Variants in CD53 observed in about 807,000 individuals in gnomAD.
CD53 encodes the protein CD53 molecule.
A neutral mutation model predicts 27.3 loss-of-function variants in CD53; 20 were observed. The ratio of observed to expected loss-of-function variants is 0.73; its 90% CI spans 0.52 to 1.07. The LOEUF is 1.07. Ranked by LOEUF, CD53 falls within the 50% of genes least tolerant of loss-of-function variation. CD53 has a pLI of 0.00. For synonymous variants in CD53, 106 were observed against 105.3 expected (o/e 1.01, Z -0.04); for missense variants, 216 against 264.0 (o/e 0.82, Z 1.26).
At chr1:110,878,846 A>G (rs1277344646) in intron 1 of CD53, among the ~76,000 whole-genome samples, 1 of 152,198 alleles carries the variant, frequency 6.6e-6, no homozygotes, top group African/African-American at 2.4e-5. Flanking sequence ...CGTATTCTCA[A>G]TCTTAGCATA....
intron 2 of CD53, among the ~76,000 whole-genome samples, chr1:110,892,001 A>G (rs1656872698): frequency 6.6e-6 from 1 of 152,236 alleles, no homozygotes; most frequent in Non-Finnish European, 1.5e-5. Context: ...CATCTTCTCT[A>G]CATGGTCATG....
chr1:110,879,785 C>T (rs1312007036), intron 1 of CD53, among the ~76,000 whole-genome samples: 1 of 151,958 alleles, frequency 6.6e-6, no homozygotes, highest in African/African-American at 2.4e-5. Context: ...TCAGGCTGGT[C>T]TTAAACTCCT....
chr1:110,898,651 G>A (rs1258445649), intron 7 of CD53, among the ~76,000 whole-genome samples: 4 of 151,452 alleles, frequency 2.6e-5, no homozygotes, highest in African/African-American at 4.9e-5. Flanking sequence ...GTAGTTTTTT[G>A]TCCTTTTTAA....
intron 1 of CD53, among the ~76,000 whole-genome samples, chr1:110,878,103 G>A (rs1390813402): frequency 6.6e-6 from 1 of 152,146 alleles, no homozygotes; most frequent in Non-Finnish European, 1.5e-5. Flanking sequence ...GCCAGTCCTC[G>A]GCTTCTCTAT....
intron 1 of CD53, among the ~76,000 whole-genome samples, chr1:110,883,124 T>C (rs1468947738): frequency 2.0e-5 from 3 of 151,960 alleles, no homozygotes; most frequent in Non-Finnish European, 4.4e-5. Context: ...AACAGACTTA[T>C]TTTCCTCCTT....
chr1:110,880,770 C>T (rs1656324415), intron 1 of CD53, among the ~76,000 whole-genome samples: 1 of 152,142 alleles, frequency 6.6e-6, no homozygotes, highest in African/African-American at 2.4e-5. Context: ...AAGGAGCTCA[C>T]ATTCTAGTGA....
At chr1:110,880,575 C>T (rs1214158048) in intron 1 of CD53, among the ~76,000 whole-genome samples, 1 of 152,096 alleles carries the variant, frequency 6.6e-6, no homozygotes, top group African/African-American at 2.4e-5. Flanking sequence ...TGGCTCAATT[C>T]CTTTCTGTTA....
chr1:110,876,680 A>G (rs961015127), intron 1 of CD53, among the ~76,000 whole-genome samples: 1 of 152,084 alleles, frequency 6.6e-6, no homozygotes, highest in Non-Finnish European at 1.5e-5. Flanking sequence ...TAAAATAACT[A>G]TTGTAGAATC....
intron 1 of CD53, among the ~76,000 whole-genome samples, chr1:110,876,711 G>A (rs1308131468): frequency 6.6e-6 from 1 of 151,934 alleles, no homozygotes; most frequent in Non-Finnish European, 1.5e-5. Context: ...TAACATAGAA[G>A]ACAAATTGTA....
chr1:110,889,433 C>T (rs1190867168), intron 1 of CD53, among the ~76,000 whole-genome samples: 1 of 152,024 alleles, frequency 6.6e-6, no homozygotes, highest in Non-Finnish European at 1.5e-5. Context: ...GTGACGGGCG[C>T]CTGTAACCCA....
chr1:110,891,056 C>A (rs1220740706), intron 1 of CD53, among the ~76,000 whole-genome samples: 1 of 152,254 alleles, frequency 6.6e-6, no homozygotes, highest in East Asian at 1.9e-4. Context: ...TGCCCAGGCA[C>A]TAGTTGCTAA....
At position 110,894,884 on chromosome 1, in the gene CD53, C is replaced by T. The variant is rs989028113; in HGVS notation, c.328-76C>T. ...GGGAAGCGCAAGTGGAACCACTAAC[C>T]TATACTGGAAATTCCTTATTCCTTG... is the stretch of plus-strand genomic sequence containing the variant. On this transcript the variant is annotated intron_variant, in intron 4 of 7. Transcript: ENST00000271324. 1.2e-5 allele frequency: 13 copies of T among 1,112,488 alleles called. No homozygotes were observed. In the African/African-American group the frequency reaches 1.5e-4, roughly 13 times the overall value. The allele number at this position is 1,112,488 out of a possible 1,614,324, so 68.9% of individuals were successfully genotyped here. A position where few individuals can be genotyped will look rare whatever the true frequency, so the allele number is the denominator to read the frequency against.
intron 1 of CD53, among the ~76,000 whole-genome samples, chr1:110,879,802 A>C (rs1656280533): frequency 6.6e-6 from 1 of 152,112 alleles, no homozygotes; most frequent in Admixed American, 6.5e-5. Context: ...TCCTAGGCTC[A>C]AGGGCTTCTC....
At chr1:110,898,894 A>G (rs1657183565) in intron 7 of CD53, among the ~76,000 whole-genome samples, 1 of 152,158 alleles carries the variant, frequency 6.6e-6, no homozygotes, top group Admixed American at 6.5e-5. Flanking sequence ...AAGATAAAAC[A>G]TGCTCCAGTA....
chr1:110,881,378 C>T (rs1319478821), intron 1 of CD53, among the ~76,000 whole-genome samples: 2 of 152,214 alleles, frequency 1.3e-5, no homozygotes, highest in East Asian at 1.9e-4. Flanking sequence ...TATTTAACCT[C>T]TTTCACTCAC....
intron 5 of CD53, among the ~76,000 whole-genome samples, chr1:110,895,905 A>G (rs1287983970): frequency 6.6e-6 from 1 of 152,194 alleles, no homozygotes; most frequent in Non-Finnish European, 1.5e-5. Context: ...CTAAATATAA[A>G]AGAACTTCTT....
At chr1:110,884,433 A>T (rs180751078) in intron 1 of CD53, among the ~76,000 whole-genome samples, 1 of 152,192 alleles carries the variant, frequency 6.6e-6, no homozygotes, top group Non-Finnish European at 1.5e-5. Flanking sequence ...AAAAGAATGT[A>T]TGTTCTGCTG....
At chr1:110,876,226 A>G (rs1193240494) in intron 1 of CD53, among the ~76,000 whole-genome samples, 1 of 152,224 alleles carries the variant, frequency 6.6e-6, no homozygotes, top group Non-Finnish European at 1.5e-5. Flanking sequence ...TCCAAAAATC[A>G]TAAAATTACT....
At position 110,899,107 on chromosome 1, in the gene CD53, C is replaced by T. The variant is rs1477548490; in HGVS notation, c.589-17C>T. The T allele has an allele frequency of 6.2e-7, 1 of 1,609,814 alleles. No individual in the cohort carries two copies. The highest frequency in any genetic ancestry group is 1.7e-5 in the Admixed American group (1 of 59,838). On this transcript the variant is annotated splice_polypyrimidine_tract_variant and intron_variant, in intron 7 of 7. Transcript: ENST00000271324. ...TTTTCTTATGAAGACTTCAAATTTTCCCAACTCTTTTCACAGGTGTTGGGG... is the reference window on the plus strand; with the variant it reads ...TTTTCTTATGAAGACTTCAAATTTTTCCAACTCTTTTCACAGGTGTTGGGG...
Sources: allele counts gnomAD v4.1 joint callset (sites outside exome capture counted in the v4.1 genomes callset), GRCh38; gene constraint gnomAD v4.1.1; transcripts MANE v1.5; gene names NCBI Gene and HGNC (gene_info 2026-07-23, HGNC 2026-07-21).